Variants in NOSTRIN observed in about 807,000 individuals in gnomAD.
NOSTRIN encodes nitric oxide synthase trafficking.
NOSTRIN carries 63 observed loss-of-function variants against 59.0 expected under a neutral mutation model. The ratio of observed to expected loss-of-function variants is 1.07; its 90% CI spans 0.87 to 1.32. NOSTRIN has a LOEUF of 1.32. Ranked by LOEUF, NOSTRIN falls within the 40% of genes most tolerant of loss-of-function variation. The pLI, the probability that NOSTRIN is intolerant of heterozygous loss-of-function variation, is 0.00. For missense variants in NOSTRIN, 512 were observed against 473.1 expected (o/e 1.08, Z -0.76); for synonymous variants, 200 against 165.4 (o/e 1.21, Z -1.61).
intron 6 of NOSTRIN, 36 bp from the exon 7 acceptor site, chr2:168,834,191 C>T: frequency 4.7e-6 from 4 of 858,682 alleles, no homozygotes; most frequent in Non-Finnish European, 4.1e-6. Flanking sequence ...TCAGCCTCTG[C>T]TCCTTTTTTT....
Position 168,826,757 on chromosome 2 carries a change from G to A in NOSTRIN, c.198-1401G>A, listed in dbSNP as rs561288877. On this transcript the variant is annotated intron_variant, in intron 3 of 15. Coordinates refer to ENST00000317647, the MANE Select transcript of NOSTRIN (RefSeq NM_001039724.4). Reference sequence around the variant, plus strand: ...AGTTTTAATTTACATGCAATAATAAGCACCCATTTTAAGCATATGATTTGA... The same window carrying A: ...AGTTTTAATTTACATGCAATAATAAACACCCATTTTAAGCATATGATTTGA... 3.3e-5 allele frequency among the ~76,000 whole-genome samples: 5 copies of A among 152,264 alleles called. No individual in the cohort carries two copies. In the South Asian group the frequency reaches 1.0e-3, roughly 32 times the overall value.
chr2:168,834,507 G>GCGCGCACACACACACA lies in NOSTRIN; in HGVS notation c.504+183_504+184insGCGCACACACACACAC, dbSNP rs756381301. Among the ~76,000 whole-genome samples, 375 of 125,392 alleles carry GCGCGCACACACACACA rather than the reference G, an allele frequency of 3.0e-3. 3 individuals carry two copies. Among genetic ancestry groups the GCGCGCACACACACACA allele is most frequent in the Middle Eastern group, 8.3e-3 (2 of 240 alleles). The allele number at this position is 125,392 out of a possible 152,430, so 82.3% of individuals were successfully genotyped here. A position where few individuals can be genotyped will look rare whatever the true frequency, so the allele number is the denominator to read the frequency against. On this transcript the variant is annotated intron_variant, in intron 7 of 15. Coordinates refer to ENST00000317647, the MANE Select transcript of NOSTRIN (RefSeq NM_001039724.4). Reference sequence around the variant, plus strand: ...TACTGGCGTGCGCGCGCGCGCGCGCGCACACACACACACACACACACACAC... The same window carrying GCGCGCACACACACACA: ...TACTGGCGTGCGCGCGCGCGCGCGCGCGCGCACACACACACACACACACACACACACACACACACAC...
chr2:168,843,168 C>A (rs551712271), intron 8 of NOSTRIN, 51 bp downstream of exon 8: 6 of 836,310 alleles, frequency 7.2e-6, no homozygotes, highest in Non-Finnish European at 1.2e-5. Flanking sequence ...TTTGTGTGAC[C>A]TTGAAGATGG....
At chr2:168,814,046 A>C (rs1011018085) in intron 2 of NOSTRIN, among the ~76,000 whole-genome samples, 17 of 152,204 alleles carry the variant, frequency 1.1e-4, no homozygotes, top group Admixed American at 5.2e-4. Flanking sequence ...GCTTGTCCAC[A>C]CTAAAAGAGA....
intron 1 of NOSTRIN, among the ~76,000 whole-genome samples, chr2:168,809,402 G>A (rs113579432): frequency 1.3e-4 from 20 of 152,194 alleles, no homozygotes; most frequent in African/African-American, 4.3e-4. Flanking sequence ...TAGATCAAAG[G>A]GGGAGGGAGG....
At chr2:168,790,812 A>G (rs1685327297) in intron 2 of NOSTRIN, among the ~76,000 whole-genome samples, 4 of 152,154 alleles carry the variant, frequency 2.6e-5, no homozygotes, top group Non-Finnish European at 5.9e-5. Flanking sequence ...TGATGGTTGT[A>G]TTTTGGTTTT....
intron 3 of NOSTRIN, 86 bp downstream of exon 3, chr2:168,824,803 G>A: frequency 2.0e-6 from 1 of 498,482 alleles, no homozygotes; most frequent in Non-Finnish European, 3.5e-6. Flanking sequence ...TTGAGACAGG[G>A]TCTTGCTCTG....
chr2:168,813,355 A>G (rs1686245557), intron 2 of NOSTRIN, among the ~76,000 whole-genome samples: 1 of 152,196 alleles, frequency 6.6e-6, no homozygotes. Context: ...GATAGAAGAC[A>G]GGCAATAGAT....
At chr2:168,793,434 C>T (rs1172647763), upstream of NOSTRIN, among the ~76,000 whole-genome samples, 1 of 151,924 alleles carries the variant, frequency 6.6e-6, no homozygotes, top group African/African-American at 2.4e-5. Flanking sequence ...ATGGTGAAAC[C>T]TCATCTCTAC....
chr2:168,791,213 A>G (rs55910802), intron 2 of NOSTRIN, among the ~76,000 whole-genome samples: 2 of 151,892 alleles, frequency 1.3e-5, no homozygotes, highest in African/African-American at 2.4e-5. Flanking sequence ...TCATTGTTCA[A>G]TTCCCACCTG....
intron 1 of NOSTRIN, among the ~76,000 whole-genome samples, chr2:168,787,498 C>A (rs1685236117): frequency 6.6e-6 from 1 of 152,218 alleles, no homozygotes; most frequent in South Asian, 2.1e-4. Flanking sequence ...TGGTGCTCTT[C>A]CTTGAGAAGA....
In NOSTRIN at chr2:168,865,392, A is replaced by AGAGCCT; in HGVS notation, c.*424_*429dup. ...CAGCAGGCCTATGAGGGGGTCAAGC[A>AGAGCCT]GAGCCTGGGAGATGAGGAACACAGA... On this transcript the variant is annotated 3_prime_UTR_variant, in exon 16 of 16. Coordinates refer to ENST00000317647, the MANE Select transcript of NOSTRIN (RefSeq NM_001039724.4). 6.3e-6 allele frequency: 1 copy of AGAGCCT among 157,956 alleles called. No individual in the cohort carries two copies. The highest frequency in any genetic ancestry group is 1.9e-4 in the East Asian group (1 of 5,324). 9.8% of individuals were successfully genotyped at this position (157,956 alleles called of 1,614,324 possible).
chr2:168,840,529 C>CAAAAAAAAAAAAAAAAAA (rs59235003), intron 7 of NOSTRIN, among the ~76,000 whole-genome samples: 2 of 99,324 alleles, frequency 2.0e-5, no homozygotes, highest in Non-Finnish European at 3.9e-5. Context: ...GACTCCATCT[C>CAAAAAAAAAAAAAAAAAA]AAAAAAAAAA....
At chr2:168,821,719 G>A (rs1224633258) in intron 2 of NOSTRIN, among the ~76,000 whole-genome samples, 1 of 152,240 alleles carries the variant, frequency 6.6e-6, no homozygotes, top group Non-Finnish European at 1.5e-5. Context: ...ACACAAAGGA[G>A]AATACCACGT....
At chr2:168,815,800 C>T (rs1280488185) in intron 2 of NOSTRIN, among the ~76,000 whole-genome samples, 1 of 152,162 alleles carries the variant, frequency 6.6e-6, no homozygotes, top group African/African-American at 2.4e-5. Flanking sequence ...ACATCTCCAC[C>T]TGGAAGTCCC....
intron 2 of NOSTRIN, among the ~76,000 whole-genome samples, chr2:168,789,786 G>A (rs1376437264): frequency 6.6e-6 from 1 of 152,172 alleles, no homozygotes; most frequent in Non-Finnish European, 1.5e-5. Flanking sequence ...TAAAGTAGCT[G>A]GTACAAACTG....
chr2:168,796,296 G>A (rs534698788), upstream of NOSTRIN, among the ~76,000 whole-genome samples: 52 of 152,282 alleles, frequency 3.4e-4, no homozygotes, highest in Non-Finnish European at 2.1e-4. Context: ...GTGTCAAGAC[G>A]TGTCACCCAT....
rs577405044 is a variant in NOSTRIN at position 168,837,552 on chromosome 2, G to A, written c.504+3227G>A. Among the ~76,000 whole-genome samples, 50 of 151,894 alleles carry A rather than the reference G, an allele frequency of 3.3e-4. No individual in the cohort carries two copies. The East Asian group carries it at 9.1e-3, about 28-fold the overall frequency. Reference sequence around the variant, plus strand: ...TCTCGATCTCCTGACTTCGTGATCCGCCCGCCTCGGCCTCCCAAAGTGCTG... The same window carrying A: ...TCTCGATCTCCTGACTTCGTGATCCACCCGCCTCGGCCTCCCAAAGTGCTG... On this transcript the variant is annotated intron_variant, in intron 7 of 15. Coordinates refer to ENST00000317647, the MANE Select transcript of NOSTRIN (RefSeq NM_001039724.4).
At chr2:168,848,419 C>T (rs909668473) in intron 8 of NOSTRIN, among the ~76,000 whole-genome samples, 6 of 152,158 alleles carry the variant, frequency 3.9e-5, no homozygotes, top group African/African-American at 1.4e-4. Flanking sequence ...GCCATGGGGG[C>T]GTGGCTCCAG....
Sources: gnomAD v4.1 joint callset for allele counts (sites outside exome capture counted in the v4.1 genomes callset) on GRCh38, gnomAD v4.1.1 for gene constraint, MANE v1.5 for transcripts, NCBI Gene and HGNC (gene_info 2026-07-23, HGNC 2026-07-21) for gene names.